Variants in GHR observed in about 807,000 individuals in gnomAD.
GHR encodes GH receptor.
GHR carries 35 observed loss-of-function variants against 67.1 expected under a neutral mutation model. That is an observed-to-expected ratio of 0.52 (90% CI 0.40 to 0.69). The LOEUF (loss-of-function observed/expected upper bound fraction) is 0.69. GHR is among the 30% of genes least tolerant of loss of function. GHR has a pLI of 0.00. For synonymous variants in GHR, 272 were observed against 269.1 expected (o/e 1.01, Z -0.10); for missense variants, 792 against 764.6 (o/e 1.04, Z -0.42).
At chr5:42,711,148 T>C in intron 6 of GHR, 59 bp from the exon 7 acceptor site, 2 of 1,220,022 alleles carry the variant, frequency 1.6e-6, no homozygotes, top group Non-Finnish European at 2.4e-6. Flanking sequence ...ACCTGTAGTG[T>C]TCATTGCATT....
chr5:42,699,359 G>A (rs770654109), intron 5 of GHR, among the ~76,000 whole-genome samples: 18 of 152,092 alleles, frequency 1.2e-4, no homozygotes, highest in African/African-American at 4.1e-4. Context: ...CAGAAATGAG[G>A]TAAACAGGGT....
intron 1 of GHR, among the ~76,000 whole-genome samples, chr5:42,529,107 G>T (rs896224357): frequency 1.3e-5 from 2 of 151,358 alleles, no homozygotes; most frequent in Non-Finnish European, 2.9e-5. Context: ...TGCCTCCCGG[G>T]TTCACGCCAT....
chr5:42,704,503 C>T (rs1056114067), intron 6 of GHR, among the ~76,000 whole-genome samples: 2 of 151,862 alleles, frequency 1.3e-5, no homozygotes, highest in Non-Finnish European at 2.9e-5. Context: ...GAGATATTAG[C>T]CCATAATTTT....
chr5:42,558,393 T>C (rs1370103129), intron 1 of GHR, among the ~76,000 whole-genome samples: 1 of 152,236 alleles, frequency 6.6e-6, no homozygotes, highest in African/African-American at 2.4e-5. Flanking sequence ...TTAATGTTTT[T>C]GAATGTAAGT....
chr5:42,484,958 A>T (rs746486728), intron 1 of GHR, among the ~76,000 whole-genome samples: 1 of 152,202 alleles, frequency 6.6e-6, no homozygotes, highest in Non-Finnish European at 1.5e-5. Context: ...TTCAGAAATT[A>T]TACCTTTGAT....
At chr5:42,657,028 G>T (rs1331528515) in intron 3 of GHR, among the ~76,000 whole-genome samples, 1 of 152,052 alleles carries the variant, frequency 6.6e-6, no homozygotes, top group Non-Finnish European at 1.5e-5. Flanking sequence ...TCTTAATCTT[G>T]TGTCATAGAA....
chr5:42,597,896 G>C (rs1376461199), intron 2 of GHR, among the ~76,000 whole-genome samples: 1 of 152,096 alleles, frequency 6.6e-6, no homozygotes, highest in Non-Finnish European at 1.5e-5. Context: ...AGACAATCCG[G>C]GTAAGATTTT....
intron 1 of GHR, chr5:42,467,545 C>T (rs1216694753): frequency 1.8e-5 from 25 of 1,416,188 alleles, no homozygotes; most frequent in South Asian, 1.2e-4. Context: ...ACATTTACTA[C>T]GCCTAAAGGT....
rs1209897467 is a variant in GHR at position 42,565,846 on chromosome 5, C to T, written c.-11-18C>T. On this transcript the variant is annotated intron_variant, in intron 1 of 9. Coordinates refer to ENST00000230882, the MANE Select transcript of GHR (RefSeq NM_000163.5). ...CTTTTAATTGCTGGGCTTTACCTTA[C>T]CCTTTTTGTGATTGCAGGTCCTACA... The T allele has an allele frequency of 1.2e-6, 2 of 1,613,890 alleles. No homozygotes were observed. Among genetic ancestry groups the T allele is most frequent in the Non-Finnish European group, 1.7e-6 (2 of 1,179,810 alleles).
intron 1 of GHR, chr5:42,467,519 A>G: frequency 8.2e-7 from 1 of 1,219,362 alleles, no homozygotes; most frequent in Non-Finnish European, 1.2e-6. Flanking sequence ...TGTGAGCTAT[A>G]ACTAAAGGCT....
intron 1 of GHR, among the ~76,000 whole-genome samples, chr5:42,453,966 A>G (rs73083428): frequency 1.3e-3 from 192 of 152,290 alleles, no homozygotes; most frequent in African/African-American, 4.4e-3. Flanking sequence ...CCTACTATTC[A>G]GATTATTTTG....
intron 6 of GHR, among the ~76,000 whole-genome samples, chr5:42,710,575 G>A (rs1189147416): frequency 6.6e-6 from 1 of 151,776 alleles, no homozygotes; most frequent in Non-Finnish European, 1.5e-5. Context: ...AAAGAACTCC[G>A]GTGACTTTTC....
chr5:42,518,305 G>A (rs1400637981), intron 1 of GHR, among the ~76,000 whole-genome samples: 1 of 152,058 alleles, frequency 6.6e-6, no homozygotes, highest in Non-Finnish European at 1.5e-5. Context: ...TGTGTGTGTT[G>A]TTGGTTGTTT....
At chr5:42,637,559 G>A (rs757527902) in intron 3 of GHR, among the ~76,000 whole-genome samples, 14 of 152,072 alleles carry the variant, frequency 9.2e-5, no homozygotes, top group Non-Finnish European at 1.5e-4. Context: ...ATGGTATTTC[G>A]TTTTCTGTTC....
intron 1 of GHR, chr5:42,465,621 A>G: frequency 1.0e-6 from 1 of 985,762 alleles, no homozygotes. Flanking sequence ...GACTCTGTTA[A>G]TTCATCTTTG....
intron 1 of GHR, among the ~76,000 whole-genome samples, chr5:42,513,581 C>A (rs1040127863): frequency 6.6e-6 from 1 of 152,150 alleles, no homozygotes; most frequent in African/African-American, 2.4e-5. Context: ...TGAGGAGTTC[C>A]AGCCCAGCCT....
chr5:42,638,630 A>G (rs1313371385), intron 3 of GHR, among the ~76,000 whole-genome samples: 1 of 152,238 alleles, frequency 6.6e-6, no homozygotes, highest in Non-Finnish European at 1.5e-5. Flanking sequence ...GTAAACATAT[A>G]GTATTGTAAT....
intron 1 of GHR, among the ~76,000 whole-genome samples, chr5:42,545,142 C>A (rs909563715): frequency 1.3e-5 from 2 of 152,108 alleles, no homozygotes; most frequent in Non-Finnish European, 2.9e-5. Context: ...GCAACTTGCC[C>A]AAACTGATAG....
chr5:42,595,224 T>C (rs1039400109), intron 2 of GHR, among the ~76,000 whole-genome samples: 2 of 152,206 alleles, frequency 1.3e-5, no homozygotes, highest in African/African-American at 4.8e-5. Context: ...GAAGCAGCCC[T>C]ATGAAATTTT....
Sources: gnomAD v4.1 joint callset for allele counts (sites outside exome capture counted in the v4.1 genomes callset) on GRCh38, gnomAD v4.1.1 for gene constraint, MANE v1.5 for transcripts, NCBI Gene and HGNC (gene_info 2026-07-23, HGNC 2026-07-21) for gene names.